Variants in SSPN observed in about 807,000 individuals in gnomAD.
SSPN encodes sarcospan.
In SSPN, 15 loss-of-function variants were observed where a neutral mutation model predicts 19.1. The ratio of observed to expected loss-of-function variants is 0.78; its 90% CI spans 0.52 to 1.21. The LOEUF (loss-of-function observed/expected upper bound fraction) is 1.21, where lower values mean the gene tolerates loss of function less well. Among genes scored for constraint, SSPN ranks in the 50% most tolerant of loss-of-function variants. SSPN has a pLI of 0.00. For synonymous variants in SSPN, 147 were observed against 140.3 expected, an observed-to-expected ratio of 1.05 and a Z score of -0.34; for missense variants, 291 against 314.0, an observed-to-expected ratio of 0.93 and a Z score of 0.55.
chr12:26,164,567 C>T (rs1419885334), intron 1 of SSPN, among the ~76,000 whole-genome samples: 1 of 152,190 alleles, frequency 6.6e-6, no homozygotes, highest in Non-Finnish European at 1.5e-5. Flanking sequence ...GACGTGATGA[C>T]AGACAACAAA....
In SSPN at chr12:26,234,669, T is replaced by C. The variant is rs1945267833; in HGVS notation, c.*3593T>C. ...ATTCATTTTTCTGGCATTGATCAAA[T>C]AGCAAATACAAAATAAAGCATTTCT... On this transcript the variant is annotated 3_prime_UTR_variant, in exon 3 of 3. Transcript: ENST00000242729. The C allele has an allele frequency of 6.6e-6, 1 of 152,214 alleles. No individual in the cohort carries two copies. The allele number at this position is 152,214 out of a possible 1,614,324, so 9.4% of individuals were successfully genotyped here.
chr12:26,232,052 A>T lies in SSPN; in HGVS notation c.*976A>T. ...GCTCAGGTTAAAAACACCCATTTAA[A>T]CAAAAACAAGAGCATTTGTAATAGG... On this transcript the variant is annotated 3_prime_UTR_variant, in exon 3 of 3. Transcript: ENST00000242729. 1 of 985,400 alleles carries T rather than the reference A, an allele frequency of 1.0e-6. No individual in the cohort carries two copies. Among genetic ancestry groups the T allele is most frequent in the Non-Finnish European group, 1.2e-6 (1 of 829,914 alleles). The allele number at this position is 985,400 out of a possible 1,614,324, so 61.0% of individuals were successfully genotyped here. A position where few individuals can be genotyped will look rare whatever the true frequency, so the allele number is the denominator to read the frequency against.
chr12:26,146,651 A>T (rs1454557083), intron 1 of SSPN, among the ~76,000 whole-genome samples: 3 of 151,980 alleles, frequency 2.0e-5, no homozygotes, highest in Admixed American at 1.3e-4. Context: ...AGCAAAATCC[A>T]GTCTCTACTA....
intron 2 of SSPN, among the ~76,000 whole-genome samples, chr12:26,230,362 CACA>C (rs1243350700): frequency 2.0e-5 from 3 of 152,166 alleles, no homozygotes; most frequent in African/African-American, 4.8e-5. Context: ...TCAAAATAAG[CACA>C]ACATGTCATC....
At chr12:26,160,328 C>T (rs1243217417) in intron 1 of SSPN, among the ~76,000 whole-genome samples, 2 of 152,236 alleles carry the variant, frequency 1.3e-5, no homozygotes, top group Non-Finnish European at 2.9e-5. Flanking sequence ...ACCCCTGTCC[C>T]TCCAAATGGC....
chr12:26,126,906 T>C (rs1391019352), intron 1 of SSPN, among the ~76,000 whole-genome samples: 1 of 152,254 alleles, frequency 6.6e-6, no homozygotes, highest in Admixed American at 6.5e-5. Flanking sequence ...ATGCTGACTT[T>C]ATTTTAAATC....
chr12:26,122,630 G>GC, intron 1 of SSPN: 1 of 1,222,210 alleles, frequency 8.2e-7, no homozygotes, highest in Non-Finnish European at 1.0e-6. Context: ...CCGCCGCGCC[G>GC]CCCCCCGGGC....
At chr12:26,167,597 T>A (rs1944628891) in intron 1 of SSPN, among the ~76,000 whole-genome samples, 2 of 152,212 alleles carry the variant, frequency 1.3e-5, no homozygotes, top group African/African-American at 2.4e-5. Context: ...AAACTTTCCC[T>A]CCATTGAATA....
intron 1 of SSPN, chr12:26,125,191 G>A: frequency 2.9e-6 from 1 of 340,150 alleles, no homozygotes; most frequent in South Asian, 2.6e-5. Context: ...ACGGCAGGAG[G>A]GGGCGGGGAC....
At chr12:26,136,777 A>G (rs949460457) in intron 1 of SSPN, among the ~76,000 whole-genome samples, 4 of 152,218 alleles carry the variant, frequency 2.6e-5, no homozygotes, top group African/African-American at 9.7e-5. Flanking sequence ...AGTCCATGGT[A>G]CTTCGTGTGC....
Position 26,124,635 on chromosome 12 carries a change from C to T in SSPN, c.-31+2483C>T. The T allele has an allele frequency of 3.1e-6, 5 of 1,612,406 alleles. No individual in the cohort carries two copies. The South Asian group carries it at 3.3e-5, about 11-fold the overall frequency. On this transcript the variant is annotated intron_variant, in intron 1 of 2. Coordinates refer to the SSPN transcript ENST00000538142. ...CCCATTCGGGGAGGGGCTCTGCCCT[C>T]GCCAGCTCCATACCACTTTCTGGAG... is the stretch of plus-strand genomic sequence containing the variant.
chr12:26,147,589 A>G (rs1281465644), intron 1 of SSPN, among the ~76,000 whole-genome samples: 1 of 152,188 alleles, frequency 6.6e-6, no homozygotes, highest in East Asian at 1.9e-4. Context: ...ATATTTACAC[A>G]TGAAAAAAGG....
chr12:26,166,241 G>A (rs936815436), intron 1 of SSPN, among the ~76,000 whole-genome samples: 1 of 152,096 alleles, frequency 6.6e-6, no homozygotes, highest in African/African-American at 2.4e-5. Flanking sequence ...TGCATGTTCT[G>A]CACATGTATC....
At chr12:26,155,184 G>A (rs1944548653) in intron 1 of SSPN, among the ~76,000 whole-genome samples, 2 of 152,150 alleles carry the variant, frequency 1.3e-5, no homozygotes, top group African/African-American at 4.8e-5. Flanking sequence ...TATACAGAAA[G>A]GCCATTGGGT....
intron 1 of SSPN, among the ~76,000 whole-genome samples, chr12:26,170,318 A>G (rs1440863827): frequency 6.6e-6 from 1 of 152,226 alleles, no homozygotes. Flanking sequence ...TCTGTTTCTC[A>G]GTGTAACTCT....
chr12:26,227,115 C>G (rs1245052950), intron 2 of SSPN, among the ~76,000 whole-genome samples: 2 of 152,160 alleles, frequency 1.3e-5, no homozygotes, highest in East Asian at 3.9e-4. Flanking sequence ...CGTAAACACT[C>G]TTCCTTATAG....
chr12:26,130,270 CA>C (rs1447530244), intron 1 of SSPN, among the ~76,000 whole-genome samples: 2 of 152,128 alleles, frequency 1.3e-5, no homozygotes, highest in African/African-American at 2.4e-5. Flanking sequence ...CATGTTTATG[CA>C]ATGTGAAGCA....
intron 2 of SSPN, among the ~76,000 whole-genome samples, chr12:26,228,038 A>G (rs1945194746): frequency 6.6e-6 from 1 of 152,218 alleles, no homozygotes; most frequent in Non-Finnish European, 1.5e-5. Flanking sequence ...AATTATTTGC[A>G]GATTGAGAAT....
chr12:26,226,716 G>T (rs1269059997), intron 2 of SSPN, among the ~76,000 whole-genome samples: 1 of 152,158 alleles, frequency 6.6e-6, no homozygotes, highest in African/African-American at 2.4e-5. Flanking sequence ...GTTCGGAAAC[G>T]TGTCGGGGGC....
Sources: allele counts gnomAD v4.1 joint callset (sites outside exome capture counted in the v4.1 genomes callset), GRCh38; gene constraint gnomAD v4.1.1; transcripts MANE v1.5; gene names NCBI Gene and HGNC (gene_info 2026-07-23, HGNC 2026-07-21).